Variants in DNAJC6 observed in about 807,000 individuals in gnomAD.
The protein encoded by DNAJC6 is auxilin.
DNAJC6 carries 34 observed loss-of-function variants against 110.0 expected under a neutral mutation model. The ratio of observed to expected loss-of-function variants is 0.31; its 90% CI spans 0.24 to 0.41. The LOEUF (loss-of-function observed/expected upper bound fraction) is 0.41, where lower values mean the gene tolerates loss of function less well. Among genes scored for constraint, DNAJC6 ranks in the 10% least tolerant of loss-of-function variants. DNAJC6 has a pLI of 1.00. For missense variants in DNAJC6, 1,031 were observed against 1,207.8 expected (o/e 0.85, Z 2.17); for synonymous variants, 406 against 437.2 (o/e 0.93, Z 0.89).
chr1:65,390,229 C>T (rs1645913639), intron 11 of DNAJC6, among the ~76,000 whole-genome samples: 1 of 152,290 alleles, frequency 6.6e-6, no homozygotes, highest in African/African-American at 2.4e-5. Flanking sequence ...TCCCTTTAGA[C>T]TGCTGCCTCT....
chr1:65,411,177 C>T lies in DNAJC6; in HGVS notation c.2635-73C>T, dbSNP rs1016045200. On this transcript the variant is annotated intron_variant, in intron 17 of 18. Coordinates refer to ENST00000371069, the MANE Select transcript of DNAJC6 (RefSeq NM_001256864.2). Reference sequence around the variant, plus strand: ...GATGTTGCTGGAGCAGAAGGGGTTTCTAGAGTCCTAGTGGAAACCTTCTGA... The same window carrying T: ...GATGTTGCTGGAGCAGAAGGGGTTTTTAGAGTCCTAGTGGAAACCTTCTGA... 1.3e-5 allele frequency: 19 copies of T among 1,482,196 alleles called. No homozygotes were observed. In the Admixed American group the frequency reaches 1.8e-4, roughly 14 times the overall value. The allele number at this position is 1,482,196 out of a possible 1,614,324, so 91.8% of individuals were successfully genotyped here. A position where few individuals can be genotyped will look rare whatever the true frequency, so the allele number is the denominator to read the frequency against.
intron 1 of DNAJC6, among the ~76,000 whole-genome samples, chr1:65,310,945 A>G (rs1645093555): frequency 6.6e-6 from 1 of 152,216 alleles, no homozygotes; most frequent in African/African-American, 2.4e-5. Flanking sequence ...AACAGTAATG[A>G]AATCAAACTG....
intron 1 of DNAJC6, chr1:65,264,997 G>A: frequency 2.1e-6 from 3 of 1,462,586 alleles, no homozygotes; most frequent in Non-Finnish European, 9.6e-7. Context: ...CTAGGGATGC[G>A]ATGTCACTCC....
chr1:65,355,565 G>A (rs893618112), intron 1 of DNAJC6, among the ~76,000 whole-genome samples: 6 of 152,120 alleles, frequency 3.9e-5, no homozygotes, highest in Non-Finnish European at 5.9e-5. Flanking sequence ...CTTATACCAC[G>A]TGCCACCTAG....
At chr1:65,306,713 G>T (rs1215445405), upstream of DNAJC6, among the ~76,000 whole-genome samples, 1 of 152,138 alleles carries the variant, frequency 6.6e-6, no homozygotes, top group African/African-American at 2.4e-5. Flanking sequence ...TCTTGAGTTT[G>T]GAAAACCAAG....
chr1:65,381,548 CA>C (rs35401253), intron 5 of DNAJC6, among the ~76,000 whole-genome samples: 8,179 of 117,786 alleles, frequency 0.069, 306 homozygotes, highest in South Asian at 0.14. Flanking sequence ...GATTCCCTCT[CA>C]AAAAAAAAAA....
At chr1:65,375,360 T>C (rs1645751261) in intron 4 of DNAJC6, among the ~76,000 whole-genome samples, 1 of 152,192 alleles carries the variant, frequency 6.6e-6, no homozygotes, top group South Asian at 2.1e-4. Flanking sequence ...CTTGATTCTA[T>C]TCATGTGGTA....
chr1:65,329,966 A>G (rs998787199), intron 1 of DNAJC6, among the ~76,000 whole-genome samples: 1 of 152,200 alleles, frequency 6.6e-6, no homozygotes, highest in African/African-American at 2.4e-5. Flanking sequence ...TAGGTCCCTC[A>G]TGCTGTACCT....
intron 1 of DNAJC6, among the ~76,000 whole-genome samples, chr1:65,281,680 C>T (rs371230110): frequency 6.6e-6 from 1 of 152,038 alleles, no homozygotes; most frequent in African/African-American, 2.4e-5. Context: ...ACAATCTTGG[C>T]TCACTGCAAG....
chr1:65,381,923 C>T (rs1645826422), intron 5 of DNAJC6, among the ~76,000 whole-genome samples: 1 of 152,158 alleles, frequency 6.6e-6, no homozygotes, highest in Non-Finnish European at 1.5e-5. Context: ...CAAATTAATT[C>T]ACTCTCAAGG....
chr1:65,324,636 G>A (rs192718336), intron 1 of DNAJC6, among the ~76,000 whole-genome samples: 1 of 152,178 alleles, frequency 6.6e-6, no homozygotes, highest in African/African-American at 2.4e-5. Flanking sequence ...TGGGATTACA[G>A]GCGTGAGCCA....
Position 65,368,772 on chromosome 1 carries a change from CCCCTTCCCTT to C in DNAJC6, c.543+2589_543+2598del, listed in dbSNP as rs1371268049. On this transcript the variant is annotated intron_variant, in intron 4 of 18. Coordinates refer to ENST00000371069, the MANE Select transcript of DNAJC6 (RefSeq NM_001256864.2). ...TCCCCTCCCTTCTCTTCCCTCCCCT[CCCCTTCCCTT>C]CCCTTCCCTTCCAAAAGAGCCTCAC... 5.3e-5 allele frequency among the ~76,000 whole-genome samples: 6 copies of C among 114,070 alleles called. No homozygotes were observed. In the South Asian group the frequency reaches 1.9e-3, roughly 36 times the overall value. The allele number at this position is 114,070 out of a possible 152,430, so 74.8% of individuals were successfully genotyped here.
intron 1 of DNAJC6, among the ~76,000 whole-genome samples, chr1:65,334,429 G>A (rs879708242): frequency 6.6e-6 from 1 of 152,246 alleles, no homozygotes; most frequent in African/African-American, 2.4e-5. Context: ...AGCACGGGCT[G>A]TTGGGAGAAC....
intron 8 of DNAJC6, 30 bp downstream of exon 8, chr1:65,386,959 G>A: frequency 1.3e-6 from 2 of 1,539,114 alleles, no homozygotes; most frequent in South Asian, 2.2e-5. Flanking sequence ...CATGGCATAA[G>A]TTCATCTGAG....
chr1:65,379,571 T>C, intron 5 of DNAJC6, 47 bp downstream of exon 5: 1 of 1,610,078 alleles, frequency 6.2e-7, no homozygotes, highest in Non-Finnish European at 8.5e-7. Context: ...TTTGGTCAAA[T>C]ATGGATGAGC....
At chr1:65,381,848 C>T (rs897954084) in intron 5 of DNAJC6, among the ~76,000 whole-genome samples, 11 of 152,128 alleles carry the variant, frequency 7.2e-5, no homozygotes, top group Admixed American at 3.3e-4. Flanking sequence ...CTAGGAAGAA[C>T]GTAACAATGA....
At chr1:65,366,855 A>G (rs1339690784) in intron 4 of DNAJC6, among the ~76,000 whole-genome samples, 2 of 152,178 alleles carry the variant, frequency 1.3e-5, no homozygotes, top group Admixed American at 1.3e-4. Context: ...TGGGTCTATT[A>G]ATAAATAGAA....
intron 1 of DNAJC6, among the ~76,000 whole-genome samples, chr1:65,274,757 A>G (rs1336638958): frequency 6.6e-6 from 1 of 152,250 alleles, no homozygotes; most frequent in African/African-American, 2.4e-5. Context: ...TTGATGTGTT[A>G]AGTGCTATAG....
At chr1:65,266,415 T>G (rs1431554398) in intron 1 of DNAJC6, among the ~76,000 whole-genome samples, 1 of 152,212 alleles carries the variant, frequency 6.6e-6, no homozygotes, top group African/African-American at 2.4e-5. Context: ...TGGTGGTGTT[T>G]GTATTAACAT....
Sources: gnomAD v4.1 joint callset for allele counts (sites outside exome capture counted in the v4.1 genomes callset) on GRCh38, gnomAD v4.1.1 for gene constraint, MANE v1.5 for transcripts, NCBI Gene and HGNC (gene_info 2026-07-23, HGNC 2026-07-21) for gene names.